VPS13D: variants seen among roughly 807,000 people sequenced by gnomAD.
The protein encoded by VPS13D is vacuolar protein sorting 13 homolog D.
In VPS13D, 187 loss-of-function variants were observed where a neutral mutation model predicts 461.9. The observed-to-expected ratio is 0.40, with a 90% CI of 0.36 to 0.46. The LOEUF (loss-of-function observed/expected upper bound fraction) is 0.46, where lower values mean the gene tolerates loss of function less well. Ranked by LOEUF, VPS13D falls within the 20% of genes least tolerant of loss-of-function variation. The pLI is 0.60. For missense variants in VPS13D, 4,711 were observed against 5,364.9 expected (o/e 0.88, Z 3.81); for synonymous variants, 1,951 against 1,986.3 (o/e 0.98, Z 0.47).
intron 67 of VPS13D, among the ~76,000 whole-genome samples, chr1:12,464,141 G>A (rs1204620391): frequency 6.6e-6 from 1 of 152,226 alleles, no homozygotes; most frequent in African/African-American, 2.4e-5. Context: ...TTTCTTGGAA[G>A]TGAGTTATAA....
chr1:12,260,684 C>T lies in VPS13D; in HGVS notation c.1111-9C>T, dbSNP rs1198884462. On this transcript the variant is annotated splice_polypyrimidine_tract_variant and intron_variant, in intron 10 of 69. Coordinates refer to ENST00000620676, the MANE Select transcript of VPS13D (RefSeq NM_015378.4). Reference sequence around the variant, plus strand: ...TTTTGTTTATTTGCTTTTGTTTTCACCCAAACAGGAGGAAATGTGTCGGAT... The same window carrying T: ...TTTTGTTTATTTGCTTTTGTTTTCATCCAAACAGGAGGAAATGTGTCGGAT... 6.2e-7 allele frequency: 1 copy of T among 1,613,386 alleles called. No individual in the cohort carries two copies. The highest frequency in any genetic ancestry group is 8.5e-7 in the Non-Finnish European group (1 of 1,179,458).
chr1:12,236,222 A>G (rs939303403), intron 2 of VPS13D, among the ~76,000 whole-genome samples: 1 of 152,118 alleles, frequency 6.6e-6, no homozygotes, highest in Admixed American at 6.6e-5. Flanking sequence ...CCCAATGCTT[A>G]TGGATCCAAA....
chr1:12,325,035 T>G (rs1233145098), intron 35 of VPS13D, among the ~76,000 whole-genome samples: 2 of 152,168 alleles, frequency 1.3e-5, no homozygotes, highest in Non-Finnish European at 2.9e-5. Context: ...TGTTTCCCTT[T>G]CTCTTCAAAA....
At chr1:12,482,962 C>T (rs1246591791) in intron 67 of VPS13D, among the ~76,000 whole-genome samples, 1 of 152,006 alleles carries the variant, frequency 6.6e-6, no homozygotes, top group African/African-American at 2.4e-5. Context: ...TAACTAGTTC[C>T]CCATTGATGG....
chr1:12,291,036 T>G lies in VPS13D; in HGVS notation c.5764T>G (p.Ser1922Ala). The change falls in exon 23 of 70, where the codon TCT becomes GCT. Residue 1922 changes from serine to alanine, a missense_variant. Ser to Ala is a moderately conservative substitution (Grantham distance 99). Transcript: ENST00000620676. ...LALQGSIGSL[S>A]LSDLTCHGEF... ...CTTACAGGGCAGCATTGGGAGTCTGTCTCTAAGTGACCTCACATGCCATGG... is the reference window on the plus strand; with the variant it reads ...CTTACAGGGCAGCATTGGGAGTCTGGCTCTAAGTGACCTCACATGCCATGG... 1 of 1,614,010 alleles carries G rather than the reference T, an allele frequency of 6.2e-7. No individual in the cohort carries two copies. The highest frequency in any genetic ancestry group is 8.5e-7 in the Non-Finnish European group (1 of 1,179,966).
Position 12,373,786 on chromosome 1 carries a change from C to T in VPS13D, c.10845C>T (p.Asn3615=), listed in dbSNP as rs1029949289. The T allele has an allele frequency of 8.9e-6, 14 of 1,573,792 alleles. No individual in the cohort carries two copies. The Middle Eastern group carries it at 5.1e-4, about 57-fold the overall frequency. Residue 3615 remains asparagine, a synonymous_variant, in exon 55 of 70, where the codon AAC becomes AAT. Transcript: ENST00000620676. The part of the protein sequence containing the change: ...QEGTGRPVAS[N]KAITCAELVL... ...GAACAGGCAGGCCTGTGGCTTCCAA[C>T]AAGGCCATTACCTGTGCGGAGCTCG...
intron 31 of VPS13D, among the ~76,000 whole-genome samples, chr1:12,319,002 T>A (rs934989824): frequency 2.0e-5 from 3 of 152,242 alleles, no homozygotes; most frequent in Non-Finnish European, 1.5e-5. Flanking sequence ...ATTAAATATA[T>A]ACACATAAGT....
At chr1:12,486,988 G>T (rs1450178947) in intron 67 of VPS13D, among the ~76,000 whole-genome samples, 2 of 151,986 alleles carry the variant, frequency 1.3e-5, no homozygotes, top group East Asian at 3.9e-4. Flanking sequence ...GGGTTCAGAA[G>T]AATCACCCTC....
At chr1:12,360,878 C>T (rs1238626186) in intron 50 of VPS13D, among the ~76,000 whole-genome samples, 3 of 152,180 alleles carry the variant, frequency 2.0e-5, no homozygotes, top group East Asian at 1.9e-4. Flanking sequence ...CTATGACAGC[C>T]GGTTGTCAAA....
chr1:12,263,408 G>T (rs1215954967), intron 13 of VPS13D, among the ~76,000 whole-genome samples: 1 of 152,224 alleles, frequency 6.6e-6, no homozygotes, highest in Admixed American at 6.5e-5. Context: ...CTCTGTGAGT[G>T]TCTGAATGAC....
chr1:12,497,539 G>A lies in VPS13D; in HGVS notation c.12702G>A (p.Thr4234=), dbSNP rs368826092. The part of the protein sequence containing the change: ...AQRVRKPRCC[T]GPQGLLPRYS... ...GGGTTCGGAAACCGCGTTGCTGCAC[G>A]GGGCCCCAGGGGCTGCTTCCCCGAT... Residue 4234 remains threonine (T), a synonymous_variant, in exon 68 of 70, where the codon ACG becomes ACA. Transcript: ENST00000620676. 24 of 1,613,880 alleles carry A rather than the reference G, an allele frequency of 1.5e-5. No homozygotes were observed. Among genetic ancestry groups the A allele is most frequent in the African/African-American group, 6.7e-5 (5 of 74,896 alleles).
At position 12,277,322 on chromosome 1, in the gene VPS13D, A is replaced by G. The variant is rs1362482706; in HGVS notation, c.3734A>G (p.Glu1245Gly). ...VVSIGNSVGY[E>G]NIISDIGYFE... ...AGCATTGGGAATTCTGTAGGCTATG[A>G]AAATATCATCAGTGATATTGGCTAC... The change falls in exon 19 of 70, where the codon GAA becomes GGA. Residue 1245 changes from glutamate (E) to glycine (G), a missense_variant. Glu to Gly is a moderately conservative substitution (Grantham distance 98). Coordinates refer to ENST00000620676, the MANE Select transcript of VPS13D (RefSeq NM_015378.4). 1.9e-6 allele frequency: 3 copies of G among 1,614,110 alleles called. No individual in the cohort carries two copies. The African/African-American group carries it at 4.0e-5, about 22-fold the overall frequency.
chr1:12,267,731 GT>G (rs1641315542), intron 14 of VPS13D, 113 bp from the exon 15 acceptor site: 1 of 939,858 alleles, frequency 1.1e-6, no homozygotes, highest in East Asian at 2.5e-5. Flanking sequence ...GGTAAAGTGA[GT>G]TTTGATTTGA....
Position 12,348,936 on chromosome 1 carries a change from AATGGAAC to A in VPS13D, c.9184_9190del (p.Met3062Ter). 1 of 1,614,236 alleles carries A rather than the reference AATGGAAC, an allele frequency of 6.2e-7. No individual in the cohort carries two copies. The highest frequency in any genetic ancestry group is 1.1e-5 in the South Asian group (1 of 91,084). On this transcript the variant is annotated frameshift_variant, in exon 45 of 70. Transcript: ENST00000620676. LOFTEE classifies it high-confidence loss of function. The stretch of plus-strand genomic sequence containing the variant: ...TTGTGAGGAACAGACTTGAGACACC[AATGGAAC>A]TAAGACTGGATAGCCCATCAGCTCC...
Position 12,460,362 on chromosome 1 carries a change from G to GC in VPS13D, c.12629dup (p.Val4211GlyfsTer35). The stretch of plus-strand genomic sequence containing the variant: ...GGATTTTGCATCAGAAACAGCCCAG[G>GC]CGGTGAGAGACACAGCCACACTCAG... On this transcript the variant is annotated frameshift_variant, in exon 67 of 70. Transcript: ENST00000620676. LOFTEE classifies it high-confidence loss of function. 6.2e-7 allele frequency: 1 copy of GC among 1,610,650 alleles called. No individual in the cohort carries two copies. Among genetic ancestry groups the GC allele is most frequent in the Non-Finnish European group, 8.5e-7 (1 of 1,178,166 alleles).
At chr1:12,257,814 G>A in intron 9 of VPS13D, 121 bp from the exon 10 acceptor site, 1 of 1,207,126 alleles carries the variant, frequency 8.3e-7, no homozygotes, top group South Asian at 1.5e-5. Context: ...ATATAAACTG[G>A]TGGCTGACAA....
rs554612278 is a variant in VPS13D at position 12,510,423 on chromosome 1, G to A, written c.*1399G>A. 3 of 152,254 alleles carry A rather than the reference G, an allele frequency of 2.0e-5. No homozygotes were observed. Among genetic ancestry groups the A allele is most frequent in the Middle Eastern group, 3.4e-3 (1 of 294 alleles). 9.4% of individuals were successfully genotyped at this position (152,254 alleles called of 1,614,324 possible). ...CAGTGGATCAGTGGATGCGTGGAAG[G>A]TTTTGGTGTTTATAACTCATGACCC... is the stretch of plus-strand genomic sequence containing the variant. On this transcript the variant is annotated 3_prime_UTR_variant, in exon 70 of 70. Transcript: ENST00000620676.
At chr1:12,245,499 T>A (rs1424023814) in intron 5 of VPS13D, among the ~76,000 whole-genome samples, 5 of 152,240 alleles carry the variant, frequency 3.3e-5, no homozygotes, top group African/African-American at 1.2e-4. Flanking sequence ...TTTTTTAGTA[T>A]ATTTACAAGG....
chr1:12,279,474 T>C lies in VPS13D; in HGVS notation c.4451-25T>C. 3 of 1,576,652 alleles carry C rather than the reference T, an allele frequency of 1.9e-6. No homozygotes were observed. The highest frequency in any genetic ancestry group is 2.6e-6 in the Non-Finnish European group (3 of 1,155,018). Reference sequence around the variant, plus strand: ...GAAGTAAATATTAAGGTTTATGGTCTATCATTTCATCTCTTTTATGCCAGC... The same window carrying C: ...GAAGTAAATATTAAGGTTTATGGTCCATCATTTCATCTCTTTTATGCCAGC... On this transcript the variant is annotated intron_variant, in intron 19 of 69. Coordinates refer to ENST00000620676, the MANE Select transcript of VPS13D (RefSeq NM_015378.4). The surrounding 1 kb of genome is among the most constrained non-coding windows in gnomAD (Gnocchi z 4.3).
Sources: allele counts gnomAD v4.1 joint callset (sites outside exome capture counted in the v4.1 genomes callset), GRCh38; gene constraint gnomAD v4.1.1; non-coding constraint Gnocchi (gnomAD v3.1); transcripts MANE v1.5; gene names NCBI Gene and HGNC (gene_info 2026-07-23, HGNC 2026-07-21).